WDPCP: variants seen among roughly 807,000 people sequenced by gnomAD.
The protein encoded by WDPCP is WD repeat containing planar cell polarity effector.
WDPCP carries 71 observed loss-of-function variants against 93.1 expected under a neutral mutation model. The ratio of observed to expected loss-of-function variants is 0.76; its 90% CI spans 0.63 to 0.93. WDPCP has a LOEUF of 0.93. Among genes scored for constraint, WDPCP ranks in the 40% least tolerant of loss-of-function variants. WDPCP has a pLI of 0.00. For synonymous variants in WDPCP, 315 were observed against 315.0 expected (o/e 1.00, Z 0.00); for missense variants, 844 against 887.4 (o/e 0.95, Z 0.62).
intron 1 of WDPCP, among the ~76,000 whole-genome samples, chr2:63,494,299 C>CGACGACGAT (rs1317626567): frequency 7.9e-5 from 12 of 151,592 alleles, no homozygotes; most frequent in African/African-American, 2.9e-4. Flanking sequence ...ACGACGACGA[C>CGACGACGAT]GACAATGATG....
chr2:63,596,502 A>G (rs1364255755), intron 3 of WDPCP, among the ~76,000 whole-genome samples: 1 of 152,104 alleles, frequency 6.6e-6, no homozygotes, highest in Non-Finnish European at 1.5e-5. Flanking sequence ...CTTTTTCTCT[A>G]AAGGGCCCAG....
At chr2:63,387,369 A>C (rs760489017) in intron 10 of WDPCP, among the ~76,000 whole-genome samples, 15 of 152,310 alleles carry the variant, frequency 9.8e-5, no homozygotes, top group South Asian at 2.1e-4. Flanking sequence ...AAACAGAATG[A>C]AAAACAAAAA....
At chr2:63,545,857 T>TAAAAAAA (rs76994891) in intron 1 of WDPCP, among the ~76,000 whole-genome samples, 1 of 132,122 alleles carries the variant, frequency 7.6e-6, no homozygotes. Context: ...CGCTCAGATT[T>TAAAAAAA]AAAAAAAAAA....
At chr2:63,779,587 G>C (rs528657880) in intron 2 of WDPCP, among the ~76,000 whole-genome samples, 1 of 152,274 alleles carries the variant, frequency 6.6e-6, no homozygotes, top group African/African-American at 2.4e-5. Context: ...TTGGTGGGGA[G>C]GGGTGCCCAC....
chr2:63,141,773 G>T (rs1186353250), intron 17 of WDPCP, among the ~76,000 whole-genome samples: 1 of 151,856 alleles, frequency 6.6e-6, no homozygotes, highest in African/African-American at 2.4e-5. Flanking sequence ...TTTTTTTGTT[G>T]TTGTTGGTAA....
At position 63,765,407 on chromosome 2, in the gene WDPCP, G is replaced by T. The variant is rs114580590; in HGVS notation, n.308+48215C>A. Among the ~76,000 whole-genome samples the T allele has an allele frequency of 5.3e-3, 804 of 152,292 alleles. 5 individuals carry two copies. Among genetic ancestry groups the T allele is most frequent in the Middle Eastern group, 0.034 (10 of 294 alleles). On this transcript the variant is annotated intron_variant and non_coding_transcript_variant, in intron 2 of 4. Transcript: ENST00000467687. ...GAAAAGCAGCAGAACAGTTTATGAA[G>T]GAGCTGGCTACTTCCCTGCACTTGT...
the WDPCP span, among the ~76,000 whole-genome samples, chr2:63,833,653 T>G: frequency 2.0e-5 from 3 of 152,308 alleles, no homozygotes; most frequent in East Asian, 5.8e-4. Flanking sequence ...TGTTGAGGAA[T>G]TTTGCTTACT....
intron 13 of WDPCP, among the ~76,000 whole-genome samples, chr2:63,287,126 G>GT (rs1684062585): frequency 6.6e-6 from 1 of 152,086 alleles, no homozygotes; most frequent in African/African-American, 2.4e-5. Flanking sequence ...TCTACTTCTT[G>GT]TAAGGACACC....
intron 2 of WDPCP, among the ~76,000 whole-genome samples, chr2:63,782,470 A>C (rs1260507047): frequency 6.6e-6 from 1 of 152,222 alleles, no homozygotes; most frequent in Non-Finnish European, 1.5e-5. Flanking sequence ...ACAGCAAAAC[A>C]ACTCAACTAA....
chr2:63,542,327 A>C (rs1704808391), intron 1 of WDPCP, among the ~76,000 whole-genome samples: 1 of 152,198 alleles, frequency 6.6e-6, no homozygotes, highest in South Asian at 2.1e-4. Flanking sequence ...AACTAAATTA[A>C]GTATTCACAG....
chr2:63,722,631 GC>G (rs1271954724), intron 2 of WDPCP, among the ~76,000 whole-genome samples: 1 of 128,930 alleles, frequency 7.8e-6, no homozygotes, highest in Non-Finnish European at 1.7e-5. Flanking sequence ...CCCCCGCCCG[GC>G]CAGCCGCCCC....
chr2:63,587,207 T>A (rs1048215854), intron 1 of WDPCP, among the ~76,000 whole-genome samples: 4 of 152,174 alleles, frequency 2.6e-5, no homozygotes, highest in Non-Finnish European at 5.9e-5. Context: ...ACATTAAAAG[T>A]AGCATTTGAA....
intron 1 of WDPCP, among the ~76,000 whole-genome samples, chr2:63,579,624 A>C (rs1708356004): frequency 6.6e-6 from 1 of 152,174 alleles, no homozygotes; most frequent in Non-Finnish European, 1.5e-5. Flanking sequence ...AAAAAGAAAA[A>C]GAAAAAGAAA....
At chr2:63,777,647 A>T (rs1670324701) in intron 2 of WDPCP, among the ~76,000 whole-genome samples, 1 of 152,222 alleles carries the variant, frequency 6.6e-6, no homozygotes, top group Non-Finnish European at 1.5e-5. Flanking sequence ...AATTATGCTG[A>T]AAGAAGCCAG....
At chr2:63,697,002 C>G (rs1433849338) in intron 2 of WDPCP, among the ~76,000 whole-genome samples, 1 of 152,132 alleles carries the variant, frequency 6.6e-6, no homozygotes. Flanking sequence ...ATTTATAATA[C>G]CAAAAAAGCA....
At position 63,605,179 on chromosome 2, in the gene WDPCP, G is replaced by T. The variant is rs1709502834; in HGVS notation, n.488+45480C>A. On this transcript the variant is annotated intron_variant and non_coding_transcript_variant, in intron 3 of 4. Transcript: ENST00000467687. ...CATGATTTTGGAGGGGAAACATTAAGCTCTGGTCATAGCTTTTCACCCCAA... is the reference window on the plus strand; with the variant it reads ...CATGATTTTGGAGGGGAAACATTAATCTCTGGTCATAGCTTTTCACCCCAA... 20 of 773,918 alleles carry T rather than the reference G, an allele frequency of 2.6e-5. No individual in the cohort carries two copies. The South Asian group carries it at 2.9e-4, about 11-fold the overall frequency. The allele number at this position is 773,918 out of a possible 1,614,324, so 47.9% of individuals were successfully genotyped here. A position where few individuals can be genotyped will look rare whatever the true frequency, so the allele number is the denominator to read the frequency against.
chr2:63,804,225 T>C (rs943706454), intron 2 of WDPCP, among the ~76,000 whole-genome samples: 1 of 151,662 alleles, frequency 6.6e-6, no homozygotes. Flanking sequence ...AGCATAGAAA[T>C]GCCCTGAAGA....
intron 14 of WDPCP, among the ~76,000 whole-genome samples, chr2:63,184,551 A>G (rs183384806): frequency 3.3e-5 from 5 of 152,114 alleles, no homozygotes; most frequent in Admixed American, 6.5e-5. Context: ...CCAATCTTTT[A>G]CTGGCTTATA....
intron 13 of WDPCP, among the ~76,000 whole-genome samples, chr2:63,311,196 T>C (rs1181722463): frequency 6.6e-6 from 1 of 152,186 alleles, no homozygotes; most frequent in Non-Finnish European, 1.5e-5. Context: ...TATGTTATTA[T>C]TTTTAGTCTT....
Sources: allele counts gnomAD v4.1 joint callset (sites outside exome capture counted in the v4.1 genomes callset), GRCh38; gene constraint gnomAD v4.1.1; transcripts MANE v1.5; gene names NCBI Gene and HGNC (gene_info 2026-07-23, HGNC 2026-07-21).